NEGR1: variants seen among roughly 807,000 people sequenced by gnomAD.
The protein encoded by NEGR1 is neuronal growth regulator 1.
NEGR1 carries 10 observed loss-of-function variants against 40.9 expected under a neutral mutation model. The ratio of observed to expected loss-of-function variants is 0.24; its 90% confidence interval spans 0.15 to 0.42. The LOEUF (loss-of-function observed/expected upper bound fraction) is 0.42, where lower values mean the gene tolerates loss of function less well. Ranked by LOEUF, NEGR1 falls within the 10% of genes least tolerant of loss-of-function variation. The probability of loss-of-function intolerance (pLI) is 1.00; values close to 1 mark genes in which losing one functional copy is unlikely to be tolerated. For synonymous variants in NEGR1, 185 were observed against 166.8 expected, an observed-to-expected ratio of 1.11 and a Z score of -0.84; for missense variants, 352 against 438.9, an observed-to-expected ratio of 0.80 and a Z score of 1.77.
At chr1:71,455,975 A>G (rs1646669702) in intron 6 of NEGR1, among the ~76,000 whole-genome samples, 1 of 152,210 alleles carries the variant, frequency 6.6e-6, no homozygotes, top group African/African-American at 2.4e-5. Context: ...CAAAATATAC[A>G]GATAATCGTA....
chr1:71,786,284 T>A (rs1175372875), intron 2 of NEGR1, among the ~76,000 whole-genome samples: 2 of 152,202 alleles, frequency 1.3e-5, no homozygotes, highest in Admixed American at 6.5e-5. Flanking sequence ...TTTGTCTTTT[T>A]ATTCATATGT....
chr1:71,402,261 A>G lies in NEGR1; in HGVS notation c.*5185T>C, dbSNP rs1423584606. On this transcript the variant is annotated 3_prime_UTR_variant, in exon 7 of 7. Coordinates refer to ENST00000357731, the MANE Select transcript of NEGR1 (RefSeq NM_173808.3). ...ATATTTTCTCCTTTAAGTATTTGAA[A>G]GTGTTGAGAAAGCCACAATAGCAAC... is the stretch of plus-strand genomic sequence containing the variant. 6.6e-6 allele frequency: 1 copy of G among 152,192 alleles called. No individual in the cohort carries two copies. The highest frequency in any genetic ancestry group is 2.4e-5 in the African/African-American group (1 of 41,456). The allele number at this position is 152,192 out of a possible 1,614,324, so 9.4% of individuals were successfully genotyped here.
intron 2 of NEGR1, among the ~76,000 whole-genome samples, chr1:71,864,403 T>C (rs1156889601): frequency 6.6e-6 from 1 of 152,152 alleles, no homozygotes; most frequent in East Asian, 1.9e-4. Context: ...ATAGCATGTG[T>C]AATTTACTGG....
chr1:71,877,928 T>C (rs1343466671), intron 2 of NEGR1, among the ~76,000 whole-genome samples: 1 of 152,148 alleles, frequency 6.6e-6, no homozygotes, highest in African/African-American at 2.4e-5. Flanking sequence ...TACAGTAAAA[T>C]ATACCATGGC....
At chr1:72,144,102 T>C (rs953465477) in intron 1 of NEGR1, among the ~76,000 whole-genome samples, 1 of 150,732 alleles carries the variant, frequency 6.6e-6, no homozygotes, top group Non-Finnish European at 1.5e-5. Flanking sequence ...GGAAAATTAC[T>C]GCTTAATTGA....
At chr1:71,447,121 T>G (rs1646587659) in intron 6 of NEGR1, among the ~76,000 whole-genome samples, 1 of 152,234 alleles carries the variant, frequency 6.6e-6, no homozygotes, top group Non-Finnish European at 1.5e-5. Context: ...CCTTACTGTC[T>G]GAACTCTGCC....
chr1:71,974,891 G>C (rs532605193), intron 1 of NEGR1, among the ~76,000 whole-genome samples: 1 of 151,956 alleles, frequency 6.6e-6, no homozygotes, highest in Admixed American at 6.6e-5. Context: ...TAACTAACTC[G>C]AGAATAGCAC....
At chr1:71,421,638 T>C (rs1243819981) in intron 6 of NEGR1, among the ~76,000 whole-genome samples, 3 of 152,090 alleles carry the variant, frequency 2.0e-5, no homozygotes, top group Non-Finnish European at 4.4e-5. Context: ...ATATTCACAA[T>C]TAATAGGAAC....
At chr1:71,759,166 C>T (rs374444295) in intron 3 of NEGR1, among the ~76,000 whole-genome samples, 3 of 151,966 alleles carry the variant, frequency 2.0e-5, no homozygotes, top group African/African-American at 4.8e-5. Context: ...ATGTTCCTTC[C>T]GGATACTTAT....
chr1:71,927,818 T>TAAAAAAAAAAAAAAAAAAA (rs35429988), intron 2 of NEGR1, among the ~76,000 whole-genome samples: 1 of 22,448 alleles, frequency 4.5e-5, no homozygotes, highest in African/African-American at 2.0e-4. Context: ...ACCCAATCTC[T>TAAAAAAAAAAAAAAAAAAA]AAAAAAAAAA....
intron 2 of NEGR1, among the ~76,000 whole-genome samples, chr1:71,797,708 T>C (rs1222779547): frequency 6.6e-6 from 1 of 152,166 alleles, no homozygotes; most frequent in Non-Finnish European, 1.5e-5. Context: ...TTTCTTTTTT[T>C]AAGTTTCAGA....
At chr1:72,081,060 T>C (rs1011156102) in intron 1 of NEGR1, among the ~76,000 whole-genome samples, 7 of 152,050 alleles carry the variant, frequency 4.6e-5, no homozygotes, top group African/African-American at 1.7e-4. Context: ...GGCTGTAATA[T>C]AGAAGGAAAA....
intron 2 of NEGR1, chr1:71,794,519 G>T (rs1657246078): frequency 6.6e-6 from 1 of 151,992 alleles, no homozygotes. Context: ...AATCAATGGT[G>T]CTAGGCAATT....
intron 1 of NEGR1, among the ~76,000 whole-genome samples, chr1:72,086,282 C>T (rs188261075): frequency 6.6e-6 from 1 of 152,126 alleles, no homozygotes; most frequent in African/African-American, 2.4e-5. Flanking sequence ...TGTGGATGAG[C>T]ACAAGACAGA....
intron 2 of NEGR1, among the ~76,000 whole-genome samples, chr1:71,930,761 A>C (rs374388726): frequency 1.5e-4 from 23 of 152,284 alleles, no homozygotes; most frequent in African/African-American, 5.5e-4. Context: ...TATCCTTGTG[A>C]TCAGCCGCTG....
intron 1 of NEGR1, among the ~76,000 whole-genome samples, chr1:72,021,390 A>T (rs1050975223): frequency 1.3e-5 from 2 of 152,126 alleles, no homozygotes; most frequent in Non-Finnish European, 2.9e-5. Flanking sequence ...AATGCAAAGG[A>T]TGTAAAATGA....
chr1:71,875,829 T>C (rs1483828791), intron 2 of NEGR1, among the ~76,000 whole-genome samples: 1 of 152,152 alleles, frequency 6.6e-6, no homozygotes. Flanking sequence ...GACTCTTCGC[T>C]TGAGTATTGT....
intron 6 of NEGR1, among the ~76,000 whole-genome samples, chr1:71,543,959 C>A (rs1479452133): frequency 1.3e-5 from 2 of 150,744 alleles, no homozygotes; most frequent in African/African-American, 4.9e-5. Flanking sequence ...GAAGTCAAAA[C>A]TTTTTTTTTA....
intron 5 of NEGR1, among the ~76,000 whole-genome samples, chr1:71,609,446 C>T (rs565411319): frequency 1.5e-4 from 19 of 129,164 alleles, no homozygotes; most frequent in South Asian, 1.1e-3. Context: ...ACCCGGGAGG[C>T]GGAGCTTGCA....
Sources: allele counts gnomAD v4.1 joint callset (sites outside exome capture counted in the v4.1 genomes callset), GRCh38; gene constraint gnomAD v4.1.1; transcripts MANE v1.5; gene names NCBI Gene and HGNC (gene_info 2026-07-23, HGNC 2026-07-21).